PTPRD: variants seen among roughly 807,000 people sequenced by gnomAD.
PTPRD encodes the protein receptor-type tyrosine-protein phosphatase delta.
Under a neutral mutation model 214.5 loss-of-function variants are expected in PTPRD, and 34 were observed. The ratio of observed to expected loss-of-function variants is 0.16; its 90% confidence interval spans 0.12 to 0.21. The LOEUF is 0.21. Among genes scored for constraint, PTPRD ranks in the 10% least tolerant of loss-of-function variants. The pLI is 1.00. For synonymous variants in PTPRD, 1,128 were observed against 845.7 expected (o/e 1.33, Z -5.79); for missense variants, 2,545 against 2,398.7 (o/e 1.06, Z -1.27).
intron 9 of PTPRD, among the ~76,000 whole-genome samples, chr9:9,327,603 T>G (rs1201478380): frequency 6.6e-6 from 1 of 152,102 alleles, no homozygotes; most frequent in Non-Finnish European, 1.5e-5. Flanking sequence ...TCACTGAAAT[T>G]TTGTTTCTAT....
At chr9:9,417,343 T>C (rs928476) in intron 8 of PTPRD, among the ~76,000 whole-genome samples, 131,685 of 152,112 alleles carry the variant, frequency 0.87, 57,186 homozygotes, top group Middle Eastern at 0.91. Flanking sequence ...TTTTCCATTA[T>C]GTTAAAATCA....
At chr9:9,006,124 T>C (rs938815004) in intron 11 of PTPRD, among the ~76,000 whole-genome samples, 8 of 152,020 alleles carry the variant, frequency 5.3e-5, no homozygotes, top group African/African-American at 1.7e-4. Flanking sequence ...AACTGATTCA[T>C]TGAAGACTTC....
chr9:8,897,537 T>C (rs1392536709), intron 11 of PTPRD, among the ~76,000 whole-genome samples: 1 of 152,190 alleles, frequency 6.6e-6, no homozygotes, highest in Non-Finnish European at 1.5e-5. Flanking sequence ...AGAGTTTTGA[T>C]ATCCCCAGAG....
At chr9:10,603,286 A>G (rs73398234) in intron 2 of PTPRD, among the ~76,000 whole-genome samples, 8,945 of 151,904 alleles carry the variant, frequency 0.059, 354 homozygotes, top group Middle Eastern at 0.14. Context: ...GGGAGGAGAT[A>G]CACTGGAGTT....
chr9:10,050,116 G>A (rs1407189325), intron 3 of PTPRD, among the ~76,000 whole-genome samples: 1 of 152,084 alleles, frequency 6.6e-6, no homozygotes, highest in Non-Finnish European at 1.5e-5. Context: ...AAGGACCAAT[G>A]GGAATTAGAG....
At chr9:10,335,353 C>G (rs1200902646) in intron 3 of PTPRD, among the ~76,000 whole-genome samples, 1 of 151,758 alleles carries the variant, frequency 6.6e-6, no homozygotes, top group Non-Finnish European at 1.5e-5. Flanking sequence ...ACCTTTCCAA[C>G]AAATGGTGCC....
At chr9:8,339,177 C>T in intron 42 of PTPRD, 130 bp from the exon 43 acceptor site, 1 of 917,444 alleles carries the variant, frequency 1.1e-6, no homozygotes, top group Non-Finnish European at 1.5e-6. Context: ...AAGGCAATTC[C>T]AATTGCATAT....
chr9:9,710,039 T>C (rs957586853), intron 7 of PTPRD, among the ~76,000 whole-genome samples: 4 of 152,068 alleles, frequency 2.6e-5, no homozygotes, highest in African/African-American at 9.7e-5. Context: ...AAGCAGATTT[T>C]GTTTCTTTAA....
At chr9:9,663,992 TTA>T (rs1363026875) in intron 7 of PTPRD, among the ~76,000 whole-genome samples, 1 of 150,974 alleles carries the variant, frequency 6.6e-6, no homozygotes, top group Non-Finnish European at 1.5e-5. Context: ...GAAGGAGAAC[TTA>T]TGTTTTAAGT....
chr9:8,955,509 G>A (rs10977400), intron 11 of PTPRD, among the ~76,000 whole-genome samples: 37,705 of 151,680 alleles, frequency 0.25, 4,944 homozygotes, highest in East Asian at 0.49. Flanking sequence ...TCAGGGAAAT[G>A]GAAGTGCCCT....
intron 5 of PTPRD, among the ~76,000 whole-genome samples, chr9:9,845,662 A>C (rs371766849): frequency 2.0e-5 from 3 of 152,016 alleles, no homozygotes; most frequent in East Asian, 3.9e-4. Flanking sequence ...TCTAAACAAT[A>C]AACTTGAGGT....
intron 3 of PTPRD, among the ~76,000 whole-genome samples, chr9:10,161,577 T>G (rs893951959): frequency 6.6e-6 from 1 of 151,818 alleles, no homozygotes; most frequent in Non-Finnish European, 1.5e-5. Flanking sequence ...AATCGAAGAC[T>G]TGAAACCCTG....
intron 14 of PTPRD, among the ~76,000 whole-genome samples, chr9:8,546,130 A>C (rs1253937613): frequency 6.6e-6 from 1 of 152,226 alleles, no homozygotes; most frequent in Non-Finnish European, 1.5e-5. Flanking sequence ...TCTTAAAATG[A>C]CAGTCAAAAC....
At chr9:8,330,205 C>A (rs1442012935) in intron 44 of PTPRD, among the ~76,000 whole-genome samples, 1 of 152,104 alleles carries the variant, frequency 6.6e-6, no homozygotes, top group African/African-American at 2.4e-5. Context: ...GTGGGCTGCA[C>A]CCACTGTCCA....
At chr9:8,945,932 T>C (rs181863451) in intron 11 of PTPRD, among the ~76,000 whole-genome samples, 3 of 152,296 alleles carry the variant, frequency 2.0e-5, no homozygotes, top group East Asian at 3.9e-4. Flanking sequence ...AAGTTCTTAA[T>C]TCCTGTAATA....
At chr9:10,360,148 A>T (rs938978683) in intron 2 of PTPRD, among the ~76,000 whole-genome samples, 33 of 152,362 alleles carry the variant, frequency 2.2e-4, no homozygotes, top group South Asian at 1.0e-3. Flanking sequence ...TATGTGATAC[A>T]TAGTAATATA....
chr9:8,679,534 A>T (rs2097508685), intron 12 of PTPRD, among the ~76,000 whole-genome samples: 1 of 152,210 alleles, frequency 6.6e-6, no homozygotes, highest in African/African-American at 2.4e-5. Context: ...ACAGCATAGA[A>T]CGCCTTCAAC....
chr9:9,049,929 A>G (rs1351684514), intron 10 of PTPRD, among the ~76,000 whole-genome samples: 1 of 152,222 alleles, frequency 6.6e-6, no homozygotes, highest in Non-Finnish European at 1.5e-5. Flanking sequence ...AGTGACATTA[A>G]TGGTTCCTGA....
chr9:9,677,490 C>A (rs1594970979), intron 7 of PTPRD, among the ~76,000 whole-genome samples: 2 of 152,080 alleles, frequency 1.3e-5, no homozygotes, highest in South Asian at 2.1e-4. Context: ...TCAATAGATG[C>A]AGAAAAGGCC....
Sources: gnomAD v4.1 joint callset for allele counts (sites outside exome capture counted in the v4.1 genomes callset) on GRCh38, gnomAD v4.1.1 for gene constraint, MANE v1.5 for transcripts, NCBI Gene and HGNC (gene_info 2026-07-23, HGNC 2026-07-21) for gene names.